Variants in BICC1 observed in about 807,000 individuals in gnomAD.
BICC1 encodes the protein BicC family RNA binding protein 1.
A neutral mutation model predicts 111.0 loss-of-function variants in BICC1; 43 were observed. That is an observed-to-expected ratio of 0.39 (90% confidence interval 0.30 to 0.50). The LOEUF is 0.50. Ranked by LOEUF, BICC1 falls within the 20% of genes least tolerant of loss-of-function variation. The pLI is 0.88. For synonymous variants in BICC1, 467 were observed against 434.4 expected (o/e 1.07, Z -0.93); for missense variants, 1,091 against 1,203.2 (o/e 0.91, Z 1.38).
intron 15 of BICC1, 117 bp downstream of exon 15, chr10:58,803,359 T>C: frequency 1.2e-6 from 1 of 867,130 alleles, no homozygotes; most frequent in Non-Finnish European, 1.6e-6. Context: ...TGTGCTACAT[T>C]CAAAATGAAA....
At chr10:58,543,382 AG>A (rs1322991000) in intron 1 of BICC1, among the ~76,000 whole-genome samples, 3 of 152,148 alleles carry the variant, frequency 2.0e-5, no homozygotes, top group African/African-American at 7.2e-5. Context: ...AGAGTTGTTT[AG>A]TGGTTATAGA....
chr10:58,660,839 T>TGAA (rs1479429463), intron 2 of BICC1, among the ~76,000 whole-genome samples: 2 of 152,206 alleles, frequency 1.3e-5, no homozygotes, highest in Admixed American at 1.3e-4. Flanking sequence ...CTGCCAAGGT[T>TGAA]GAAAGCCACT....
At chr10:58,586,906 G>A (rs531930794) in intron 1 of BICC1, among the ~76,000 whole-genome samples, 95 of 152,240 alleles carry the variant, frequency 6.2e-4, no homozygotes, top group African/African-American at 2.2e-3. Context: ...TGAACTTGTA[G>A]CCAGGTTCTT....
rs1842230284 is a variant in BICC1 at position 58,515,899 on chromosome 10, T to A, written c.190+2566T>A. On this transcript the variant is annotated intron_variant, in intron 1 of 20. Coordinates refer to ENST00000373886, the MANE Select transcript of BICC1 (RefSeq NM_001080512.3). ...AATATTGCATCATGGATTAAAAGGA[T>A]TTCCAGTGCCTACCACAATGTATGA... 2.0e-5 allele frequency among the ~76,000 whole-genome samples: 3 copies of A among 152,310 alleles called. No homozygotes were observed. The South Asian group carries it at 6.2e-4, about 32-fold the overall frequency.
intron 3 of BICC1, among the ~76,000 whole-genome samples, chr10:58,707,740 C>G (rs893421420): frequency 1.3e-5 from 2 of 151,906 alleles, no homozygotes; most frequent in Non-Finnish European, 2.9e-5. Flanking sequence ...TCTTATTGCC[C>G]AGGCTGGAGT....
At chr10:58,732,027 A>G (rs1438526707) in intron 3 of BICC1, among the ~76,000 whole-genome samples, 1 of 152,062 alleles carries the variant, frequency 6.6e-6, no homozygotes, top group African/African-American at 2.4e-5. Context: ...TTTCATTTGC[A>G]TTCATAACTT....
chr10:58,705,440 G>A (rs544436076), intron 3 of BICC1, among the ~76,000 whole-genome samples: 14 of 152,236 alleles, frequency 9.2e-5, no homozygotes, highest in Middle Eastern at 6.8e-3. Context: ...TTAGTTTAGA[G>A]TGATGACAAC....
At chr10:58,602,616 T>C (rs559582627) in intron 1 of BICC1, among the ~76,000 whole-genome samples, 1 of 152,306 alleles carries the variant, frequency 6.6e-6, no homozygotes, top group African/African-American at 2.4e-5. Flanking sequence ...CTATCTTTTT[T>C]CAAACTAAAT....
chr10:58,634,715 G>A (rs1157476723), intron 2 of BICC1, among the ~76,000 whole-genome samples: 2 of 152,114 alleles, frequency 1.3e-5, no homozygotes, highest in Non-Finnish European at 2.9e-5. Flanking sequence ...AAAAATTTGT[G>A]TATAATTTTC....
intron 2 of BICC1, among the ~76,000 whole-genome samples, chr10:58,700,404 A>AT (rs1359485788): frequency 6.6e-6 from 1 of 151,802 alleles, no homozygotes; most frequent in Non-Finnish European, 1.5e-5. Context: ...GAAAGATAAC[A>AT]TTTTTTCTTT....
At chr10:58,609,515 A>G (rs1001823490) in intron 1 of BICC1, among the ~76,000 whole-genome samples, 1 of 152,256 alleles carries the variant, frequency 6.6e-6, no homozygotes, top group Non-Finnish European at 1.5e-5. Flanking sequence ...CCACATTAAG[A>G]AGAGTGAAAC....
chr10:58,717,118 A>C (rs1036683922), intron 3 of BICC1, among the ~76,000 whole-genome samples: 1 of 152,258 alleles, frequency 6.6e-6, no homozygotes, highest in African/African-American at 2.4e-5. Flanking sequence ...TATTTTAAAT[A>C]GACACTGGTA....
chr10:58,803,351 T>C (rs2132883420), intron 15 of BICC1, 109 bp downstream of exon 15: 1 of 937,320 alleles, frequency 1.1e-6, no homozygotes, highest in Non-Finnish European at 1.5e-6. Flanking sequence ...TTTCCTTCTG[T>C]GCTACATTCA....
chr10:58,516,300 T>A (rs1417801271), intron 1 of BICC1, among the ~76,000 whole-genome samples: 1 of 152,226 alleles, frequency 6.6e-6, no homozygotes, highest in Admixed American at 6.5e-5. Context: ...TAATCTTTAA[T>A]GAGTTGTATT....
intron 1 of BICC1, among the ~76,000 whole-genome samples, chr10:58,561,461 A>G (rs894290801): frequency 2.6e-5 from 4 of 151,944 alleles, no homozygotes; most frequent in African/African-American, 9.7e-5. Context: ...AGTTTCTTAT[A>G]TGCATATAAC....
intron 2 of BICC1, among the ~76,000 whole-genome samples, chr10:58,637,855 A>T (rs1284383019): frequency 1.3e-5 from 2 of 152,298 alleles, no homozygotes; most frequent in Non-Finnish European, 1.5e-5. Context: ...ATGGTGGACC[A>T]GAGGGGATCT....
chr10:58,605,203 G>A lies in BICC1; in HGVS notation c.191-15652G>A, dbSNP rs184533881. 3.9e-5 allele frequency among the ~76,000 whole-genome samples: 6 copies of A among 152,220 alleles called. No individual in the cohort carries two copies. The South Asian group carries it at 6.2e-4, about 16-fold the overall frequency. On this transcript the variant is annotated intron_variant, in intron 1 of 20. Coordinates refer to ENST00000373886, the MANE Select transcript of BICC1 (RefSeq NM_001080512.3). ...AAAATAGCCTAGAATATTAAAAATC[G>A]TCACGTAATATATACGCATAGTTTA...
chr10:58,791,894 T>C (rs895573181), intron 8 of BICC1, among the ~76,000 whole-genome samples: 1 of 152,070 alleles, frequency 6.6e-6, no homozygotes, highest in African/African-American at 2.4e-5. Flanking sequence ...TGGGTTGAAG[T>C]GATTCTCATG....
At chr10:58,686,626 A>C (rs566367935) in intron 2 of BICC1, among the ~76,000 whole-genome samples, 5 of 151,980 alleles carry the variant, frequency 3.3e-5, no homozygotes, top group Admixed American at 3.3e-4. Flanking sequence ...TTGATCTTCA[A>C]TCACTTATAC....
Sources: gnomAD v4.1 joint callset for allele counts (sites outside exome capture counted in the v4.1 genomes callset) on GRCh38, gnomAD v4.1.1 for gene constraint, MANE v1.5 for transcripts, NCBI Gene and HGNC (gene_info 2026-07-23, HGNC 2026-07-21) for gene names.